VEZF1: variants seen among roughly 807,000 people sequenced by gnomAD.
VEZF1 encodes the protein putative transcription factor DB1.
VEZF1 carries 5 observed loss-of-function variants against 44.1 expected under a neutral mutation model. The ratio of observed to expected loss-of-function variants is 0.11; its 90% CI spans 0.06 to 0.24. The LOEUF is 0.24. Ranked by LOEUF, VEZF1 falls within the 10% of genes least tolerant of loss-of-function variation. The pLI is 1.00. For missense variants in VEZF1, 358 were observed against 641.8 expected, an observed-to-expected ratio of 0.56 and a Z score of 4.78; for synonymous variants, 236 against 233.1, an observed-to-expected ratio of 1.01 and a Z score of -0.11.
At chr17:57,983,595 T>A (rs1176202734) in intron 1 of VEZF1, among the ~76,000 whole-genome samples, 1 of 152,228 alleles carries the variant, frequency 6.6e-6, no homozygotes, top group African/African-American at 2.4e-5. Flanking sequence ...ACAAAACTTT[T>A]GCAACTAAGT....
chr17:57,983,109 C>T lies in VEZF1; in HGVS notation c.318G>A (p.Lys106=). 2 of 1,614,198 alleles carry T rather than the reference C, an allele frequency of 1.2e-6. No individual in the cohort carries two copies. The highest frequency in any genetic ancestry group is 1.7e-6 in the Non-Finnish European group (2 of 1,180,032). ...HTGIKLVSRP[K]KTPTTVVPLI... The stretch of plus-strand genomic sequence containing the variant: ...GGGGAACCACCGTGGTGGGGGTTTT[C>T]TTTGGCCGGGACACCAACTTGATCC... The change falls in exon 2 of 6, where the codon AAG becomes AAA. Residue 106 remains lysine, a synonymous_variant. Coordinates refer to ENST00000581208, the MANE Select transcript of VEZF1 (RefSeq NM_007146.3).
chr17:57,975,020 T>G (rs534103835), intron 5 of VEZF1, 120 bp from the exon 6 acceptor site: 1 of 1,185,546 alleles, frequency 8.4e-7, no homozygotes, highest in Non-Finnish European at 1.2e-6. Context: ...AATTCCAGTT[T>G]TCTATCAAGC....
chr17:57,984,814 T>C (rs1335778411), intron 1 of VEZF1, among the ~76,000 whole-genome samples: 1 of 152,210 alleles, frequency 6.6e-6, no homozygotes, highest in African/African-American at 2.4e-5. Context: ...AGGTGTGGTA[T>C]CCAGAGTTCT....
intron 5 of VEZF1, among the ~76,000 whole-genome samples, chr17:57,976,662 G>A (rs1384887025): frequency 1.3e-5 from 2 of 152,078 alleles, no homozygotes; most frequent in Non-Finnish European, 2.9e-5. Flanking sequence ...CATGAATACA[G>A]AGGTTTCTAA....
At chr17:57,986,109 C>T (rs1421946647) in intron 1 of VEZF1, 1 of 152,060 alleles carries the variant, frequency 6.6e-6, no homozygotes, top group Non-Finnish European at 1.5e-5. Flanking sequence ...TTTGTTTTCA[C>T]ACTTCTCCAT....
chr17:57,978,533 C>A lies in VEZF1; in HGVS notation c.1138+619G>T, dbSNP rs112175123. Among the ~76,000 whole-genome samples the A allele has an allele frequency of 5.8e-3, 889 of 152,174 alleles. 9 individuals carry two copies. Among genetic ancestry groups the A allele is most frequent in the South Asian group, 0.03 (145 of 4,820 alleles). On this transcript the variant is annotated intron_variant, in intron 5 of 5. Coordinates refer to ENST00000581208, the MANE Select transcript of VEZF1 (RefSeq NM_007146.3). The stretch of plus-strand genomic sequence containing the variant: ...CAACTGATTCGTTAGAAAATATACA[C>A]GAGAGAAAAGCAAACCATTTAAAAT...
At chr17:57,976,718 C>T (rs561067798) in intron 5 of VEZF1, among the ~76,000 whole-genome samples, 1 of 152,084 alleles carries the variant, frequency 6.6e-6, no homozygotes, top group Admixed American at 6.5e-5. Flanking sequence ...AATGGGAATA[C>T]AATAACATTT....
At chr17:57,987,598 A>G (rs544779847) in intron 1 of VEZF1, among the ~76,000 whole-genome samples, 2 of 152,010 alleles carry the variant, frequency 1.3e-5, no homozygotes, top group East Asian at 3.9e-4. Flanking sequence ...GGAAGGTGAA[A>G]AGAGAACAAG....
rs150077600 is a variant in VEZF1, at chr17:57,974,788, T to C, written c.1251A>G (p.Thr417=). Residue 417 remains threonine, a synonymous_variant, in exon 6 of 6, where the codon ACA becomes ACG. Coordinates refer to ENST00000581208, the MANE Select transcript of VEZF1 (RefSeq NM_007146.3). ...TTCTCATGCTCATTGCAGCTGCCACTGTGACTGGGTTTGACATAGTCCCAG... is the reference window on the plus strand; with the variant it reads ...TTCTCATGCTCATTGCAGCTGCCACCGTGACTGGGTTTGACATAGTCCCAG... ...VSSGTMSNPV[T]VAAAMSMRSP... 12 of 1,614,220 alleles carry C rather than the reference T, an allele frequency of 7.4e-6. No homozygotes were observed. Among genetic ancestry groups the C allele is most frequent in the African/African-American group, 6.7e-5 (5 of 75,052 alleles).
rs570631965 is a variant in VEZF1 at position 57,981,391 on chromosome 17, CAAAT to C, written c.792+478_792+481del. 1.3e-3 allele frequency among the ~76,000 whole-genome samples: 195 copies of C among 152,228 alleles called. 1 individual carries two copies. Among genetic ancestry groups the C allele is most frequent in the African/African-American group, 4.5e-3 (188 of 41,520 alleles). ...ATGTTTTCGTTATTATAATTGATGT[CAAAT>C]AAAATCATTAACTGGAATAGATTTT... On this transcript the variant is annotated intron_variant, in intron 3 of 5. Coordinates refer to ENST00000581208, the MANE Select transcript of VEZF1 (RefSeq NM_007146.3).
At chr17:57,988,005 G>GCGCC (rs1014474106) in intron 1 of VEZF1, 74 bp downstream of exon 1, 10 of 191,592 alleles carry the variant, frequency 5.2e-5, no homozygotes, top group Middle Eastern at 2.6e-3. Context: ...GGGAGGAGGA[G>GCGCC]CGCCCGCCCG....
At chr17:57,975,829 C>CT (rs1304257530) in intron 5 of VEZF1, among the ~76,000 whole-genome samples, 2 of 152,058 alleles carry the variant, frequency 1.3e-5, no homozygotes, top group African/African-American at 4.8e-5. Context: ...ACAGGGTCTC[C>CT]TTCTGTTGCT....
intron 3 of VEZF1, among the ~76,000 whole-genome samples, chr17:57,981,257 A>C (rs1328986215): frequency 6.6e-6 from 1 of 152,236 alleles, no homozygotes; most frequent in African/African-American, 2.4e-5. Flanking sequence ...CATTTACTTA[A>C]TAAAATCAGT....
rs1288289605 is a variant in VEZF1, at chr17:57,979,226, T to C, written c.1064A>G (p.His355Arg). The C allele has an allele frequency of 2.4e-5, 37 of 1,560,954 alleles. No individual in the cohort carries two copies. The highest frequency in any genetic ancestry group is 3.1e-5 in the Non-Finnish European group (36 of 1,145,106). ...QQQQQQQQQQ[H>R]VTSWPGKQVE... ...TTGCTTCCCTGGCCAGCTTGTCACA[T>C]GTTGTTGTTGTTGTTGTTGCTGCTG... The change falls in exon 5 of 6, where the codon CAT becomes CGT. Residue 355 changes from histidine to arginine, a missense_variant. Coordinates refer to ENST00000581208, the MANE Select transcript of VEZF1 (RefSeq NM_007146.3).
intron 5 of VEZF1, among the ~76,000 whole-genome samples, chr17:57,975,516 T>C (rs2075181306): frequency 6.6e-6 from 1 of 152,402 alleles, no homozygotes; most frequent in East Asian, 1.9e-4. Context: ...TTTAGTATCA[T>C]GTTTGTTTCA....
At chr17:57,975,086 T>C (rs1244648848) in intron 5 of VEZF1, among the ~76,000 whole-genome samples, 186 bp from the exon 6 acceptor site, 1 of 152,222 alleles carries the variant, frequency 6.6e-6, no homozygotes, top group Non-Finnish European at 1.5e-5. Context: ...GGGATCCCAG[T>C]GTATGAATCA....
At chr17:57,979,457 T>C in intron 4 of VEZF1, 144 bp from the exon 5 acceptor site, 1 of 1,227,254 alleles carries the variant, frequency 8.1e-7, no homozygotes. Flanking sequence ...CTGCTGTGTC[T>C]ATATTGGTCA....
In VEZF1 at chr17:57,985,231, G is replaced by A. The variant is rs185037358; in HGVS notation, c.34-1838C>T. The A allele has an allele frequency of 1.2e-5, 14 of 1,213,614 alleles. No individual in the cohort carries two copies. The East Asian group carries it at 3.8e-4, about 33-fold the overall frequency. 75.2% of individuals were successfully genotyped at this position (1,213,614 alleles called of 1,614,324 possible). A position where few individuals can be genotyped will look rare whatever the true frequency, so the allele number is the denominator to read the frequency against. On this transcript the variant is annotated intron_variant, in intron 1 of 5. Transcript: ENST00000581208. Reference sequence around the variant, plus strand: ...TTCAACTCTAAACAACCATTAGTACGATGGAGTACTAAAAGCACTTACTGC... The same window carrying A: ...TTCAACTCTAAACAACCATTAGTACAATGGAGTACTAAAAGCACTTACTGC...
chr17:57,979,970 C>CAAAAAAAAAAAAAAAAAAAA (rs11359148), intron 4 of VEZF1, among the ~76,000 whole-genome samples: 1 of 68,434 alleles, frequency 1.5e-5, no homozygotes, highest in Non-Finnish European at 3.3e-5. Context: ...GACTCCGTCT[C>CAAAAAAAAAAAAAAAAAAAA]AAAAAAAAAA....
Sources: allele counts gnomAD v4.1 joint callset (sites outside exome capture counted in the v4.1 genomes callset), GRCh38; gene constraint gnomAD v4.1.1; transcripts MANE v1.5; gene names NCBI Gene and HGNC (gene_info 2026-07-23, HGNC 2026-07-21).